RSU1: variants seen among roughly 807,000 people sequenced by gnomAD.
RSU1 encodes the protein rsu-1.
RSU1 carries 26 observed loss-of-function variants against 31.1 expected under a neutral mutation model. The observed-to-expected ratio is 0.84, with a 90% CI of 0.61 to 1.16. The LOEUF is 1.16. RSU1 is among the 50% of genes most tolerant of loss of function. RSU1 has a pLI of 0.00. For missense variants in RSU1, 320 were observed against 339.1 expected (o/e 0.94, Z 0.44); for synonymous variants, 164 against 136.3 (o/e 1.20, Z -1.41).
intron 7 of RSU1, among the ~76,000 whole-genome samples, chr10:16,708,270 G>A (rs572252831): frequency 1.3e-5 from 2 of 152,222 alleles, no homozygotes; most frequent in African/African-American, 4.8e-5. Flanking sequence ...AATAAAGCTA[G>A]AGAAAATGTC....
chr10:16,698,051 C>T lies in RSU1; in HGVS notation c.599-2896G>A, dbSNP rs537647216. Among the ~76,000 whole-genome samples the T allele has an allele frequency of 6.5e-4, 82 of 126,856 alleles. No individual in the cohort carries two copies. In the South Asian group the frequency reaches 0.019, roughly 29 times the overall value. The allele number at this position is 126,856 out of a possible 152,430, so 83.2% of individuals were successfully genotyped here. Reference sequence around the variant, plus strand: ...GGAAGAGGGAGAAGAGGAGGGAAGTCAGCTACATTTGGGCACAGAGCAGCA... The same window carrying T: ...GGAAGAGGGAGAAGAGGAGGGAAGTTAGCTACATTTGGGCACAGAGCAGCA... On this transcript the variant is annotated intron_variant, in intron 7 of 8. Coordinates refer to ENST00000345264, the MANE Select transcript of RSU1 (RefSeq NM_012425.4).
intron 8 of RSU1, among the ~76,000 whole-genome samples, chr10:16,641,668 A>G (rs1834445383): frequency 6.6e-6 from 1 of 152,142 alleles, no homozygotes; most frequent in South Asian, 2.1e-4. Flanking sequence ...TGCCAACAAC[A>G]GCCCCTGCCT....
At chr10:16,627,112 A>G (rs1302745962) in intron 8 of RSU1, among the ~76,000 whole-genome samples, 3 of 152,232 alleles carry the variant, frequency 2.0e-5, no homozygotes, top group Admixed American at 1.3e-4. Context: ...TGACAGGACG[A>G]CCAGTTCTAG....
intron 8 of RSU1, among the ~76,000 whole-genome samples, chr10:16,642,829 T>C (rs1353380497): frequency 6.6e-6 from 1 of 152,238 alleles, no homozygotes; most frequent in Non-Finnish European, 1.5e-5. Context: ...TAGTTATGCA[T>C]TCCTTTGCCT....
At chr10:16,638,310 G>A (rs935317631) in intron 8 of RSU1, among the ~76,000 whole-genome samples, 1 of 151,732 alleles carries the variant, frequency 6.6e-6, no homozygotes, top group Non-Finnish European at 1.5e-5. Flanking sequence ...TTTTTCGCGC[G>A]CATGTGTGTA....
At chr10:16,632,481 T>G (rs1031525480) in intron 8 of RSU1, among the ~76,000 whole-genome samples, 1 of 152,198 alleles carries the variant, frequency 6.6e-6, no homozygotes, top group Non-Finnish European at 1.5e-5. Context: ...CTCCTAATTA[T>G]GATTCAAAGA....
At chr10:16,808,810 A>G (rs1183906464) in intron 2 of RSU1, among the ~76,000 whole-genome samples, 2 of 152,216 alleles carry the variant, frequency 1.3e-5, no homozygotes, top group South Asian at 2.1e-4. Context: ...ATCAGGTTAA[A>G]ATGAGGTCCT....
At chr10:16,642,747 G>A (rs911489191) in intron 8 of RSU1, among the ~76,000 whole-genome samples, 3 of 152,042 alleles carry the variant, frequency 2.0e-5, no homozygotes, top group African/African-American at 4.8e-5. Flanking sequence ...ACTAACCACC[G>A]CATCAAACAA....
chr10:16,743,471 C>T (rs572959144), intron 7 of RSU1, among the ~76,000 whole-genome samples: 88 of 152,256 alleles, frequency 5.8e-4, no homozygotes, highest in Non-Finnish European at 4.0e-4. Context: ...CTGCAAATTA[C>T]GATATTCTGC....
At chr10:16,611,457 A>C (rs1045954828) in intron 8 of RSU1, among the ~76,000 whole-genome samples, 3 of 152,236 alleles carry the variant, frequency 2.0e-5, no homozygotes, top group African/African-American at 2.4e-5. Context: ...ACACAACTGA[A>C]AACTAAAGAA....
At chr10:16,689,248 C>T (rs915365608) in intron 8 of RSU1, among the ~76,000 whole-genome samples, 3 of 152,206 alleles carry the variant, frequency 2.0e-5, no homozygotes, top group African/African-American at 7.2e-5. Flanking sequence ...CACCTGCTAG[C>T]TCTGTGCACC....
chr10:16,627,762 CAA>C (rs74962434), intron 8 of RSU1, among the ~76,000 whole-genome samples: 14,910 of 67,192 alleles, frequency 0.22, 672 homozygotes, highest in Non-Finnish European at 0.3. Context: ...CATCTCAATA[CAA>C]AAAAAAAAAA....
Position 16,695,160 on chromosome 10 carries a change from G to GGGGA in RSU1, c.599-6_599-5insTCCC. 1 of 1,476,346 alleles carries GGGGA rather than the reference G, an allele frequency of 6.8e-7. No individual in the cohort carries two copies. The highest frequency in any genetic ancestry group is 9.1e-7 in the Non-Finnish European group (1 of 1,099,326). 91.5% of individuals were successfully genotyped at this position (1,476,346 alleles called of 1,614,324 possible). ...GGCCAGTTAAATCCAAGTTTCCTGG[G>GGGGA]GGGGGGGAAAAAAAAAGTGAAGGTC... On this transcript the variant is annotated splice_polypyrimidine_tract_variant and splice_region_variant and intron_variant, in intron 7 of 8. Transcript: ENST00000345264.
intron 8 of RSU1, among the ~76,000 whole-genome samples, chr10:16,638,307 C>T (rs998693526): frequency 4.6e-5 from 7 of 152,010 alleles, no homozygotes; most frequent in East Asian, 1.9e-4. Context: ...CTTTTTTTCG[C>T]GCGCATGTGT....
intron 7 of RSU1, among the ~76,000 whole-genome samples, chr10:16,729,805 T>C (rs903927746): frequency 5.3e-5 from 8 of 152,338 alleles, no homozygotes; most frequent in African/African-American, 1.9e-4. Flanking sequence ...TGTTTCCTTG[T>C]ACACTGGCTC....
At chr10:16,793,738 G>C (rs866451304) in intron 2 of RSU1, among the ~76,000 whole-genome samples, 1 of 152,036 alleles carries the variant, frequency 6.6e-6, no homozygotes, top group African/African-American at 2.4e-5. Context: ...GAATATGAGT[G>C]AGATGCAGCT....
chr10:16,765,775 A>C (rs1468211653), intron 3 of RSU1, among the ~76,000 whole-genome samples: 1 of 152,228 alleles, frequency 6.6e-6, no homozygotes, highest in East Asian at 1.9e-4. Context: ...GTCTCTTATC[A>C]GTCAGGTTTA....
At chr10:16,639,691 C>T (rs1834405620) in intron 8 of RSU1, among the ~76,000 whole-genome samples, 1 of 152,172 alleles carries the variant, frequency 6.6e-6, no homozygotes, top group Admixed American at 6.5e-5. Context: ...TCATCTGCAG[C>T]CAAATCACCA....
intron 3 of RSU1, among the ~76,000 whole-genome samples, chr10:16,773,795 G>C (rs1191246363): frequency 1.3e-5 from 2 of 152,116 alleles, no homozygotes; most frequent in Non-Finnish European, 2.9e-5. Flanking sequence ...TGGATGAAAA[G>C]GAGGGCTTCA....
Sources: gnomAD v4.1 joint callset for allele counts (sites outside exome capture counted in the v4.1 genomes callset) on GRCh38, gnomAD v4.1.1 for gene constraint, MANE v1.5 for transcripts, NCBI Gene and HGNC (gene_info 2026-07-23, HGNC 2026-07-21) for gene names.